Variants in EFHD1 observed in about 807,000 individuals in gnomAD.
EFHD1 encodes EF-hand domain family member D1.
Under a neutral mutation model 17.2 loss-of-function variants are expected in EFHD1, and 10 were observed. That is an observed-to-expected ratio of 0.58 (90% CI 0.36 to 0.99). The LOEUF is 0.99. EFHD1 is among the 50% of genes least tolerant of loss of function. The pLI is 0.01. For missense variants in EFHD1, 310 were observed against 327.5 expected (o/e 0.95, Z 0.41); for synonymous variants, 153 against 142.0 (o/e 1.08, Z -0.55).
intron 1 of EFHD1, among the ~76,000 whole-genome samples, chr2:232,621,867 T>C (rs1694024288): frequency 6.6e-6 from 1 of 152,214 alleles, no homozygotes; most frequent in Admixed American, 6.5e-5. Context: ...ACAATTCCTC[T>C]TCTCACCCCT....
rs909159453 is a variant in EFHD1, at chr2:232,672,444, G to T, written c.585+1G>T. The T allele has an allele frequency of 1.3e-6, 2 of 1,594,470 alleles. No homozygotes were observed. The highest frequency in any genetic ancestry group is 2.7e-5 in the African/African-American group (2 of 74,422). On this transcript the variant is annotated splice_donor_variant, in intron 3 of 3. Coordinates refer to ENST00000264059, the MANE Select transcript of EFHD1 (RefSeq NM_025202.4). LOFTEE classifies it high-confidence loss of function. ...TGCCAAGAACTTCTTTGAAGCCAAG[G>T]TAGGTGCTTAGTTCCTTCTGTGAGG...
At chr2:232,644,019 G>A (rs1273751192) in intron 1 of EFHD1, among the ~76,000 whole-genome samples, 1 of 152,186 alleles carries the variant, frequency 6.6e-6, no homozygotes, top group East Asian at 1.9e-4. Context: ...GCCTGTGGGG[G>A]TGGACCCACA....
At chr2:232,629,605 A>G (rs962729248), upstream of EFHD1, among the ~76,000 whole-genome samples, 1 of 151,932 alleles carries the variant, frequency 6.6e-6, no homozygotes, top group East Asian at 1.9e-4. Flanking sequence ...AGTACCTGGG[A>G]CTACAGGTGC....
intron 1 of EFHD1, among the ~76,000 whole-genome samples, chr2:232,613,885 TAC>T (rs1183062402): frequency 2.2e-4 from 20 of 91,118 alleles, no homozygotes; most frequent in African/African-American, 7.0e-4. Context: ...CACACACATA[TAC>T]ACACACAAAC....
Position 232,634,728 on chromosome 2 carries a change from C to G in EFHD1, c.302+722C>G, listed in dbSNP as rs76433675. Among the ~76,000 whole-genome samples the G allele has an allele frequency of 5.5e-3, 837 of 152,350 alleles. 4 individuals carry two copies. Among genetic ancestry groups the G allele is most frequent in the African/African-American group, 0.018 (728 of 41,586 alleles). On this transcript the variant is annotated intron_variant, in intron 1 of 3. Transcript: ENST00000264059. ...AGGCAGGCGATAGAGACCCACTAGT[C>G]CACCTCGTCGCCTGGAACCTCCGGG...
At chr2:232,620,782 A>G (rs1292056144) in intron 1 of EFHD1, among the ~76,000 whole-genome samples, 2 of 152,154 alleles carry the variant, frequency 1.3e-5, no homozygotes, top group Non-Finnish European at 2.9e-5. Context: ...GAAAAAGCCA[A>G]ACCATCCCCG....
chr2:232,608,398 A>C (rs777645742), intron 1 of EFHD1, among the ~76,000 whole-genome samples: 136 of 152,218 alleles, frequency 8.9e-4, no homozygotes, highest in Non-Finnish European at 5.1e-4. Flanking sequence ...TAGTATTTGC[A>C]TATAACCTAC....
chr2:232,646,154 T>A (rs948606219), intron 1 of EFHD1, among the ~76,000 whole-genome samples: 14 of 152,152 alleles, frequency 9.2e-5, no homozygotes, highest in Admixed American at 7.9e-4. Context: ...GCTTCCCTCT[T>A]CACAAGTTAT....
At chr2:232,643,471 G>A (rs971966976) in intron 1 of EFHD1, among the ~76,000 whole-genome samples, 3 of 151,912 alleles carry the variant, frequency 2.0e-5, no homozygotes, top group Non-Finnish European at 2.9e-5. Context: ...GAAGTGGTAC[G>A]ATCATGGCTC....
chr2:232,609,498 A>G (rs1693774830), intron 1 of EFHD1, among the ~76,000 whole-genome samples: 1 of 152,102 alleles, frequency 6.6e-6, no homozygotes. Context: ...TGCAGTGCCT[A>G]AGTGTGCCAG....
At chr2:232,658,553 A>T (rs997836516) in intron 1 of EFHD1, among the ~76,000 whole-genome samples, 1 of 152,176 alleles carries the variant, frequency 6.6e-6, no homozygotes, top group Non-Finnish European at 1.5e-5. Context: ...ATGTCCAAAC[A>T]CTTGTATATG....
At chr2:232,664,458 A>G (rs78410622) in intron 2 of EFHD1, among the ~76,000 whole-genome samples, 1 of 151,108 alleles carries the variant, frequency 6.6e-6, no homozygotes, top group Admixed American at 6.6e-5. Context: ...ATTTTTTATT[A>G]AAAAAAATTT....
chr2:232,660,276 G>A (rs1212281307), intron 1 of EFHD1, among the ~76,000 whole-genome samples: 1 of 151,644 alleles, frequency 6.6e-6, no homozygotes, highest in Non-Finnish European at 1.5e-5. Context: ...CTTACTGCAA[G>A]CTCCGCCTCC....
At chr2:232,607,547 T>A (rs956710134) in intron 1 of EFHD1, among the ~76,000 whole-genome samples, 7 of 149,856 alleles carry the variant, frequency 4.7e-5, no homozygotes, top group Non-Finnish European at 7.4e-5. Flanking sequence ...TTAGCCGAGA[T>A]CGCACCACTG....
intron 1 of EFHD1, among the ~76,000 whole-genome samples, chr2:232,616,569 G>A (rs1011756647): frequency 2.0e-5 from 3 of 152,188 alleles, no homozygotes; most frequent in Non-Finnish European, 1.5e-5. Flanking sequence ...AAAGTGCTGG[G>A]ATTACAGGCG....
At chr2:232,634,048 G>A (rs770266349) in intron 1 of EFHD1, 42 bp downstream of exon 1, 3 of 1,592,128 alleles carry the variant, frequency 1.9e-6, no homozygotes, top group South Asian at 2.2e-5. Context: ...GGACCAGGGA[G>A]GGAGCGGGAG....
chr2:232,643,923 C>G (rs912437114), intron 1 of EFHD1, among the ~76,000 whole-genome samples: 1 of 152,202 alleles, frequency 6.6e-6, no homozygotes, highest in African/African-American at 2.4e-5. Context: ...GGGAGCAGCC[C>G]ATTCCTGGGG....
At chr2:232,674,451 G>A (rs1695135797) in intron 3 of EFHD1, among the ~76,000 whole-genome samples, 1 of 152,148 alleles carries the variant, frequency 6.6e-6, no homozygotes, top group Admixed American at 6.6e-5. Flanking sequence ...AATCCAACCT[G>A]GATCATTATA....
intron 1 of EFHD1, among the ~76,000 whole-genome samples, chr2:232,609,976 G>A (rs888433657): frequency 6.6e-6 from 1 of 152,132 alleles, no homozygotes; most frequent in Non-Finnish European, 1.5e-5. Context: ...GGAATGACAG[G>A]GGCAGCGTCC....
Sources: gnomAD v4.1 joint callset for allele counts (sites outside exome capture counted in the v4.1 genomes callset) on GRCh38, gnomAD v4.1.1 for gene constraint, MANE v1.5 for transcripts, NCBI Gene and HGNC (gene_info 2026-07-23, HGNC 2026-07-21) for gene names.